The following MSI2 variants were observed in gnomAD, a reference collection of about 807,000 sequenced individuals.
MSI2 encodes the protein musashi RNA binding protein 2.
Under a neutral mutation model 45.6 loss-of-function variants are expected in MSI2, and 17 were observed. The observed-to-expected ratio is 0.37, with a 90% CI of 0.26 to 0.56. The LOEUF (loss-of-function observed/expected upper bound fraction) is 0.56, where lower values mean the gene tolerates loss of function less well. MSI2 is among the 20% of genes least tolerant of loss of function. MSI2 has a pLI of 0.77. For missense variants in MSI2, 293 were observed against 444.2 expected (o/e 0.66, Z 3.06); for synonymous variants, 156 against 158.2 (o/e 0.99, Z 0.11).
chr17:57,367,259 G>T (rs540088187), intron 5 of MSI2, among the ~76,000 whole-genome samples: 1 of 152,310 alleles, frequency 6.6e-6, no homozygotes, highest in African/African-American at 2.4e-5. Flanking sequence ...AGATGCGTGG[G>T]TGTGTTTTTC....
chr17:57,532,049 C>G (rs2086832267), intron 7 of MSI2: 1 of 152,520 alleles, frequency 6.6e-6, no homozygotes, highest in Admixed American at 6.5e-5. Context: ...GACATCATTG[C>G]TGGCTCTCCA....
rs146516431 is a variant in MSI2 at position 57,291,203 on chromosome 17, A to G, written c.312+29011A>G. Among the ~76,000 whole-genome samples, 29 of 152,284 alleles carry G rather than the reference A, an allele frequency of 1.9e-4. No homozygotes were observed. In the East Asian group the frequency reaches 5.4e-3, roughly 28 times the overall value. ...TGCATGCGTGCAAAAGAAAACATCA[A>G]AATGTTTGGGGAGTGTTTTAGGAAA... On this transcript the variant is annotated intron_variant, in intron 5 of 13. Transcript: ENST00000284073.
chr17:57,597,803 A>G (rs1285518373), intron 8 of MSI2, among the ~76,000 whole-genome samples: 2 of 152,232 alleles, frequency 1.3e-5, no homozygotes, highest in African/African-American at 2.4e-5. Context: ...TTACTGCACC[A>G]AACTATTTTT....
chr17:57,376,368 C>T (rs146389487), intron 5 of MSI2, among the ~76,000 whole-genome samples: 6 of 152,190 alleles, frequency 3.9e-5, no homozygotes, highest in African/African-American at 1.2e-4. Flanking sequence ...AACCCTATCC[C>T]GGTCTGGATC....
intron 7 of MSI2, among the ~76,000 whole-genome samples, chr17:57,549,154 C>T (rs1379253568): frequency 1.3e-5 from 2 of 152,126 alleles, no homozygotes; most frequent in South Asian, 2.1e-4. Context: ...GGATTACAGG[C>T]GTGAGCCGCC....
chr17:57,461,919 CTCTT>C (rs1308951072), intron 6 of MSI2, among the ~76,000 whole-genome samples: 1 of 152,184 alleles, frequency 6.6e-6, no homozygotes, highest in African/African-American at 2.4e-5. Flanking sequence ...TTGTCCTTCT[CTCTT>C]TCTGTATTAG....
chr17:57,659,987 G>A (rs1376206795), intron 11 of MSI2, among the ~76,000 whole-genome samples: 1 of 152,178 alleles, frequency 6.6e-6, no homozygotes, highest in Non-Finnish European at 1.5e-5. Flanking sequence ...GGGTGCTTTT[G>A]ACTGTATCAG....
At chr17:57,460,616 G>T (rs552118367) in intron 6 of MSI2, among the ~76,000 whole-genome samples, 1 of 152,274 alleles carries the variant, frequency 6.6e-6, no homozygotes, top group African/African-American at 2.4e-5. Flanking sequence ...CCCCGCCTGT[G>T]TGTTTGGAGA....
At chr17:57,595,714 A>G (rs1368618115) in intron 7 of MSI2, among the ~76,000 whole-genome samples, 1 of 150,656 alleles carries the variant, frequency 6.6e-6, no homozygotes, top group Admixed American at 6.6e-5. Context: ...GGATTTCAAC[A>G]TGAATCTGGG....
At chr17:57,601,943 C>A (rs1905923947) in intron 8 of MSI2, 1 of 152,220 alleles carries the variant, frequency 6.6e-6, no homozygotes, top group African/African-American at 2.4e-5. Context: ...GGGATTTGAA[C>A]CTGTGTCATT....
chr17:57,565,311 G>A (rs1054692669), intron 7 of MSI2, among the ~76,000 whole-genome samples: 12 of 152,134 alleles, frequency 7.9e-5, no homozygotes, highest in African/African-American at 2.7e-4. Flanking sequence ...GGTTCCAGCC[G>A]GCCTTCCCAG....
rs116863037 is a variant in MSI2 at position 57,663,073 on chromosome 17, G to A, written c.790+10912G>A. Among the ~76,000 whole-genome samples the A allele has an allele frequency of 1.0e-3, 153 of 152,310 alleles. 2 individuals are homozygous for A. In the East Asian group the frequency reaches 0.026, roughly 26 times the overall value. ...AACATTTTTTCCTGTGGGCTGCGAG[G>A]ACCGCTTCTGGAAGGTCGCTGGGAA... is the stretch of plus-strand genomic sequence containing the variant. On this transcript the variant is annotated intron_variant, in intron 11 of 13. Transcript: ENST00000284073.
intron 6 of MSI2, among the ~76,000 whole-genome samples, chr17:57,433,374 G>GAC (rs2084634931): frequency 1.3e-5 from 2 of 152,146 alleles, no homozygotes. Context: ...TCGAACCCAG[G>GAC]ACACACATGG....
At chr17:57,304,357 CAAA>C (rs146857564) in intron 5 of MSI2, among the ~76,000 whole-genome samples, 1 of 55,098 alleles carries the variant, frequency 1.8e-5, no homozygotes. Context: ...ACTCTGTCTC[CAAA>C]AAAAAAAAAA....
At chr17:57,267,719 G>A (rs1408856329) in intron 5 of MSI2, 1 of 151,788 alleles carries the variant, frequency 6.6e-6, no homozygotes. Flanking sequence ...CCAACTGTAT[G>A]CGTGCACCCA....
the MSI2 span, among the ~76,000 whole-genome samples, chr17:57,693,420 C>A: frequency 6.6e-6 from 1 of 151,878 alleles, no homozygotes; most frequent in Admixed American, 6.6e-5. Context: ...GGCCCACCTG[C>A]CTCTGCCTCT....
At chr17:57,297,178 G>GTTTT (rs200926325) in intron 5 of MSI2, among the ~76,000 whole-genome samples, 1 of 134,784 alleles carries the variant, frequency 7.4e-6, no homozygotes, top group Non-Finnish European at 1.5e-5. Flanking sequence ...GCTGGGCCCA[G>GTTTT]TTTTTTTTTG....
chr17:57,333,560 C>T (rs774715249), intron 5 of MSI2, among the ~76,000 whole-genome samples: 5 of 151,962 alleles, frequency 3.3e-5, no homozygotes, highest in Non-Finnish European at 7.4e-5. Context: ...GCATCAGCCT[C>T]CTGAGCAGCT....
At chr17:57,394,178 C>T (rs1377401006) in intron 5 of MSI2, among the ~76,000 whole-genome samples, 2 of 152,178 alleles carry the variant, frequency 1.3e-5, no homozygotes, top group African/African-American at 2.4e-5. Flanking sequence ...TGCCCTCAAT[C>T]CTCCCCTTTT....
Sources: gnomAD v4.1 joint callset for allele counts (sites outside exome capture counted in the v4.1 genomes callset) on GRCh38, gnomAD v4.1.1 for gene constraint, MANE v1.5 for transcripts, NCBI Gene and HGNC (gene_info 2026-07-23, HGNC 2026-07-21) for gene names.